ASTN2: variants seen among roughly 807,000 people sequenced by gnomAD.
ASTN2 encodes astrotactin-2.
ASTN2 carries 54 observed loss-of-function variants against 139.8 expected under a neutral mutation model. The observed-to-expected ratio is 0.39, with a 90% CI of 0.31 to 0.48. The LOEUF (loss-of-function observed/expected upper bound fraction) is 0.48, where lower values mean the gene tolerates loss of function less well. ASTN2 is among the 20% of genes least tolerant of loss of function. The pLI, the probability that ASTN2 is intolerant of heterozygous loss-of-function variation, is 0.95. For missense variants in ASTN2, 1,565 were observed against 1,725.1 expected, an observed-to-expected ratio of 0.91 and a Z score of 1.64; for synonymous variants, 756 against 719.5, an observed-to-expected ratio of 1.05 and a Z score of -0.81.
At chr9:117,086,776 C>T (rs1309034679) in intron 5 of ASTN2, among the ~76,000 whole-genome samples, 1 of 152,166 alleles carries the variant, frequency 6.6e-6, no homozygotes, top group Non-Finnish European at 1.5e-5. Context: ...CCCATGAAGG[C>T]GCTGATGCAT....
intron 10 of ASTN2, among the ~76,000 whole-genome samples, chr9:116,972,872 C>A (rs924055196): frequency 2.0e-5 from 3 of 152,160 alleles, no homozygotes; most frequent in Non-Finnish European, 4.4e-5. Context: ...TGCTTTTCCA[C>A]GTAGTCTTTC....
chr9:116,574,907 C>T (rs1853663607), intron 19 of ASTN2, among the ~76,000 whole-genome samples: 1 of 152,156 alleles, frequency 6.6e-6, no homozygotes, highest in South Asian at 2.1e-4. Flanking sequence ...GCCTGGCATT[C>T]AATGAAAGAC....
Position 117,153,958 on chromosome 9 carries a change from G to A in ASTN2, c.1016-12480C>T, listed in dbSNP as rs146044335. 2.6e-4 allele frequency among the ~76,000 whole-genome samples: 39 copies of A among 152,156 alleles called. No individual in the cohort carries two copies. The East Asian group carries it at 7.6e-3, about 30-fold the overall frequency. On this transcript the variant is annotated intron_variant, in intron 3 of 22. Coordinates refer to ENST00000313400, the MANE Select transcript of ASTN2 (RefSeq NM_001365068.1). ...AGAGTATATTACTTACCCATAATAT[G>A]GCTGGGAATGGGGATGAGGAGAGAG...
chr9:116,451,575 A>G (rs558746395), intron 20 of ASTN2, among the ~76,000 whole-genome samples: 52 of 152,228 alleles, frequency 3.4e-4, no homozygotes, highest in Middle Eastern at 3.4e-3. Context: ...TCTTGCCCCT[A>G]TGTTTGTTTC....
At chr9:116,986,422 T>C (rs143060960) in intron 7 of ASTN2, among the ~76,000 whole-genome samples, 1 of 152,222 alleles carries the variant, frequency 6.6e-6, no homozygotes, top group Non-Finnish European at 1.5e-5. Flanking sequence ...GGCATTAGCG[T>C]AGGAAGACTT....
chr9:116,760,198 T>G (rs936898265), intron 13 of ASTN2, among the ~76,000 whole-genome samples: 7 of 152,228 alleles, frequency 4.6e-5, no homozygotes, highest in African/African-American at 1.4e-4. Context: ...TTCCCTGGGC[T>G]GGGATGCACA....
intron 7 of ASTN2, among the ~76,000 whole-genome samples, chr9:116,991,264 G>C (rs1263845077): frequency 6.6e-6 from 1 of 152,182 alleles, no homozygotes; most frequent in East Asian, 1.9e-4. Flanking sequence ...CAAAAGGAGA[G>C]AGGATAGTGT....
rs1371711543 is a variant in ASTN2, at chr9:117,341,444, A to G, written c.443-49931T>C. Among the ~76,000 whole-genome samples the G allele has an allele frequency of 2.0e-5, 3 of 152,198 alleles. No individual in the cohort carries two copies. The East Asian group carries it at 5.8e-4, about 29-fold the overall frequency. On this transcript the variant is annotated intron_variant, in intron 1 of 22. Coordinates refer to ENST00000313400, the MANE Select transcript of ASTN2 (RefSeq NM_001365068.1). ...CCTGTTCTTTGTGAGCAGGAGGTTA[A>G]GAAAACAAAAAGAAGGAGAAAGGGA... is the stretch of plus-strand genomic sequence containing the variant.
intron 1 of ASTN2, among the ~76,000 whole-genome samples, chr9:117,373,178 C>T (rs538658932): frequency 6.6e-6 from 1 of 152,230 alleles, no homozygotes; most frequent in South Asian, 2.1e-4. Context: ...ACTGAAAAGT[C>T]AGTGTTAATT....
At chr9:116,922,113 T>A (rs1382693052) in intron 10 of ASTN2, among the ~76,000 whole-genome samples, 1 of 152,204 alleles carries the variant, frequency 6.6e-6, no homozygotes, top group Non-Finnish European at 1.5e-5. Context: ...TTCTTACTAC[T>A]TCCTTTGAAG....
At chr9:116,806,588 G>A (rs1831036068) in intron 12 of ASTN2, among the ~76,000 whole-genome samples, 1 of 152,122 alleles carries the variant, frequency 6.6e-6, no homozygotes, top group Non-Finnish European at 1.5e-5. Flanking sequence ...CTAGGAGTAT[G>A]GTGCACATAA....
At chr9:116,795,082 T>C (rs940424488) in intron 13 of ASTN2, among the ~76,000 whole-genome samples, 1 of 152,228 alleles carries the variant, frequency 6.6e-6, no homozygotes, top group Admixed American at 6.5e-5. Flanking sequence ...GTTCAAGTGA[T>C]TCTCTGGCCT....
chr9:117,264,699 C>T (rs746917646), intron 2 of ASTN2, among the ~76,000 whole-genome samples: 1 of 152,170 alleles, frequency 6.6e-6, no homozygotes, highest in Non-Finnish European at 1.5e-5. Flanking sequence ...CATCCAAAGT[C>T]AAACACAGCT....
intron 1 of ASTN2, among the ~76,000 whole-genome samples, chr9:117,309,802 G>A (rs1196058659): frequency 6.6e-6 from 1 of 152,154 alleles, no homozygotes; most frequent in East Asian, 1.9e-4. Flanking sequence ...GAGGCAAGCA[G>A]ATGGGTGGTT....
chr9:117,133,903 T>C (rs1264943550), intron 4 of ASTN2, among the ~76,000 whole-genome samples: 1 of 152,124 alleles, frequency 6.6e-6, no homozygotes, highest in Non-Finnish European at 1.5e-5. Flanking sequence ...TATTTCATCA[T>C]AGACTCAGGG....
chr9:117,146,261 G>A (rs1830193089), intron 3 of ASTN2, among the ~76,000 whole-genome samples: 1 of 152,124 alleles, frequency 6.6e-6, no homozygotes, highest in Admixed American at 6.5e-5. Context: ...CCCATCGCCT[G>A]GATGAATGCA....
intron 11 of ASTN2, among the ~76,000 whole-genome samples, chr9:116,845,116 C>A (rs1832387796): frequency 6.6e-6 from 1 of 152,090 alleles, no homozygotes; most frequent in Non-Finnish European, 1.5e-5. Flanking sequence ...TGTACCATAC[C>A]ATTCTTTCTT....
chr9:116,722,319 C>T (rs2132111563), intron 16 of ASTN2, among the ~76,000 whole-genome samples: 1 of 152,290 alleles, frequency 6.6e-6, no homozygotes, highest in South Asian at 2.1e-4. Context: ...ATAACTATGA[C>T]TTTATTTTCC....
intron 19 of ASTN2, among the ~76,000 whole-genome samples, chr9:116,498,593 A>T (rs1849748727): frequency 6.7e-6 from 1 of 149,858 alleles, no homozygotes; most frequent in South Asian, 2.1e-4. Context: ...GTGAGACCCT[A>T]CCTCAAAAAA....
Sources: gnomAD v4.1 joint callset for allele counts (sites outside exome capture counted in the v4.1 genomes callset) on GRCh38, gnomAD v4.1.1 for gene constraint, MANE v1.5 for transcripts, NCBI Gene and HGNC (gene_info 2026-07-23, HGNC 2026-07-21) for gene names.